The following CERS6 variants were observed in gnomAD, a reference collection of about 807,000 sequenced individuals.
CERS6 encodes the protein LAG1 homolog, ceramide synthase 6.
Under a neutral mutation model 56.8 loss-of-function variants are expected in CERS6, and 26 were observed. That is an observed-to-expected ratio of 0.46 (90% CI 0.34 to 0.63). The LOEUF is 0.63. CERS6 is among the 30% of genes least tolerant of loss of function. CERS6 has a pLI of 0.01. For missense variants in CERS6, 415 were observed against 467.5 expected (o/e 0.89, Z 1.04); for synonymous variants, 164 against 173.3 (o/e 0.95, Z 0.42).
At chr2:168,658,868 C>T (rs1000917044) in intron 4 of CERS6, among the ~76,000 whole-genome samples, 2 of 152,166 alleles carry the variant, frequency 1.3e-5, no homozygotes, top group Non-Finnish European at 2.9e-5. Flanking sequence ...TTACATTAGA[C>T]GGGCCCCCTC....
chr2:168,505,095 G>A (rs1694651929), intron 1 of CERS6, among the ~76,000 whole-genome samples: 1 of 152,072 alleles, frequency 6.6e-6, no homozygotes, highest in Non-Finnish European at 1.5e-5. Flanking sequence ...ATATGAGCCT[G>A]GTCAGATGTG....
At chr2:168,509,703 A>G (rs1694744468) in intron 1 of CERS6, among the ~76,000 whole-genome samples, 1 of 152,250 alleles carries the variant, frequency 6.6e-6, no homozygotes. Flanking sequence ...AGTATTTGGT[A>G]TACTGGTACA....
Position 168,721,859 on chromosome 2 carries a change from A to G in CERS6, c.845+3881A>G, listed in dbSNP as rs1034231763. Among the ~76,000 whole-genome samples the G allele has an allele frequency of 5.9e-5, 9 of 151,924 alleles. 2 individuals carry two copies. Among genetic ancestry groups the G allele is most frequent in the Middle Eastern group, 6.3e-3 (2 of 316 alleles). ...AGTCTTGAACTCCTGGCCTCAAGCAATCCTCCAGCCTAGGCTTCCCAAAGT... is the reference window on the plus strand; with the variant it reads ...AGTCTTGAACTCCTGGCCTCAAGCAGTCCTCCAGCCTAGGCTTCCCAAAGT... On this transcript the variant is annotated intron_variant, in intron 8 of 9. Transcript: ENST00000305747.
chr2:168,569,479 T>C (rs1695942489), intron 3 of CERS6, among the ~76,000 whole-genome samples: 1 of 152,170 alleles, frequency 6.6e-6, no homozygotes, highest in Non-Finnish European at 1.5e-5. Context: ...TCATAACTGG[T>C]GTGACTAAGG....
At chr2:168,707,154 A>T (rs988685993) in intron 6 of CERS6, among the ~76,000 whole-genome samples, 1 of 152,238 alleles carries the variant, frequency 6.6e-6, no homozygotes, top group Admixed American at 6.5e-5. Flanking sequence ...TTTTGATAGT[A>T]ACCACAGAAA....
intron 3 of CERS6, among the ~76,000 whole-genome samples, chr2:168,607,336 T>G (rs1051139566): frequency 3.0e-4 from 46 of 152,156 alleles, no homozygotes; most frequent in Non-Finnish European, 5.0e-4. Flanking sequence ...TTAAAAAAAC[T>G]CTTTTAAGTT....
intron 3 of CERS6, among the ~76,000 whole-genome samples, chr2:168,572,246 G>A (rs1296165208): frequency 6.6e-6 from 1 of 152,068 alleles, no homozygotes; most frequent in Non-Finnish European, 1.5e-5. Flanking sequence ...AGATGTAGTG[G>A]GCATTAATGC....
chr2:168,696,015 G>T (rs1050582887), intron 6 of CERS6, among the ~76,000 whole-genome samples: 2 of 151,982 alleles, frequency 1.3e-5, no homozygotes, highest in African/African-American at 4.8e-5. Flanking sequence ...TTTATATTAG[G>T]GATGCAAATC....
intron 1 of CERS6, among the ~76,000 whole-genome samples, chr2:168,520,298 C>G (rs1165403821): frequency 6.6e-6 from 1 of 151,964 alleles, no homozygotes; most frequent in East Asian, 1.9e-4. Context: ...CTCGTTGATT[C>G]GTTTAAGTTC....
At chr2:168,613,047 A>C (rs1684226775) in intron 3 of CERS6, among the ~76,000 whole-genome samples, 1 of 152,178 alleles carries the variant, frequency 6.6e-6, no homozygotes, top group Non-Finnish European at 1.5e-5. Context: ...GAAGTAAATG[A>C]AACGGATATT....
intron 3 of CERS6, among the ~76,000 whole-genome samples, chr2:168,626,985 C>G (rs796212580): frequency 6.6e-6 from 1 of 152,156 alleles, no homozygotes; most frequent in Non-Finnish European, 1.5e-5. Context: ...AACAAAATCC[C>G]TCTTTTGCCC....
intron 1 of CERS6, among the ~76,000 whole-genome samples, chr2:168,497,609 C>T (rs963273388): frequency 1.3e-5 from 2 of 152,022 alleles, no homozygotes; most frequent in African/African-American, 4.8e-5. Context: ...ATAATCTGTT[C>T]CAGGAAAAGG....
rs184547258 is a variant in CERS6, at chr2:168,481,243, G to A, written c.170+24625G>A. On this transcript the variant is annotated intron_variant, in intron 1 of 9. Transcript: ENST00000305747. The stretch of plus-strand genomic sequence containing the variant: ...ATCCTGGCTAACATGGTGTAACCCC[G>A]TCTCAACTAAAAATACAAAAAATTT... 4.5e-3 allele frequency among the ~76,000 whole-genome samples: 678 copies of A among 152,194 alleles called. 10 individuals are homozygous for A. Among genetic ancestry groups the A allele is most frequent in the African/African-American group, 0.016 (653 of 41,526 alleles).
chr2:168,656,429 G>A (rs1406250839), intron 4 of CERS6, among the ~76,000 whole-genome samples: 4 of 152,074 alleles, frequency 2.6e-5, no homozygotes, highest in African/African-American at 7.2e-5. Flanking sequence ...TTAAGGTGGC[G>A]CGTCTGGAGT....
intron 1 of CERS6, among the ~76,000 whole-genome samples, chr2:168,536,108 A>G (rs1171531964): frequency 6.6e-6 from 1 of 152,208 alleles, no homozygotes; most frequent in Non-Finnish European, 1.5e-5. Context: ...CCTAAATTCA[A>G]GTGGCAGAGA....
intron 4 of CERS6, among the ~76,000 whole-genome samples, chr2:168,646,452 G>T (rs1031578373): frequency 2.0e-5 from 3 of 152,118 alleles, no homozygotes; most frequent in African/African-American, 7.2e-5. Flanking sequence ...TCTGTCAGAT[G>T]CATAGTTTGC....
chr2:168,714,371 G>A (rs1444055671), intron 6 of CERS6, among the ~76,000 whole-genome samples: 2 of 152,144 alleles, frequency 1.3e-5, no homozygotes, highest in South Asian at 2.1e-4. Flanking sequence ...GGAGCCATAC[G>A]ATGCCCTTTT....
intron 1 of CERS6, among the ~76,000 whole-genome samples, chr2:168,506,082 C>T (rs1466190652): frequency 1.3e-5 from 2 of 152,120 alleles, no homozygotes; most frequent in African/African-American, 2.4e-5. Flanking sequence ...TTTTGAGAGG[C>T]GATCAGATAT....
At chr2:168,508,288 A>G (rs1694717179) in intron 1 of CERS6, among the ~76,000 whole-genome samples, 1 of 152,228 alleles carries the variant, frequency 6.6e-6, no homozygotes, top group Non-Finnish European at 1.5e-5. Flanking sequence ...TGGGTAAAAT[A>G]GCAAAGCCTC....
Sources: allele counts gnomAD v4.1 joint callset (sites outside exome capture counted in the v4.1 genomes callset), GRCh38; gene constraint gnomAD v4.1.1; transcripts MANE v1.5; gene names NCBI Gene and HGNC (gene_info 2026-07-23, HGNC 2026-07-21).